Variants in BTLA observed in about 807,000 individuals in gnomAD.
BTLA encodes B- and T-lymphocyte attenuator.
In BTLA, 11 loss-of-function variants were observed where a neutral mutation model predicts 25.0. That is an observed-to-expected ratio of 0.44 (90% CI 0.28 to 0.73). The LOEUF (loss-of-function observed/expected upper bound fraction) is 0.73, where lower values mean the gene tolerates loss of function less well. Among genes scored for constraint, BTLA ranks in the 30% least tolerant of loss-of-function variants. BTLA has a pLI of 0.15. For synonymous variants in BTLA, 104 were observed against 119.8 expected (o/e 0.87, Z 0.86); for missense variants, 282 against 332.8 (o/e 0.85, Z 1.19).
At chr3:112,468,080 T>G (rs2082239924) in intron 4 of BTLA, among the ~76,000 whole-genome samples, 1 of 152,216 alleles carries the variant, frequency 6.6e-6, no homozygotes, top group Admixed American at 6.5e-5. Flanking sequence ...TGGATAGAGA[T>G]GATAAAGCCA....
chr3:112,484,348 C>A (rs142982999), intron 1 of BTLA, among the ~76,000 whole-genome samples: 1 of 152,134 alleles, frequency 6.6e-6, no homozygotes, highest in Non-Finnish European at 1.5e-5. Context: ...ATAAAGGGCA[C>A]GGAAATAGCT....
chr3:112,470,742 C>T (rs1215130325), intron 3 of BTLA, among the ~76,000 whole-genome samples: 4 of 152,064 alleles, frequency 2.6e-5, no homozygotes, highest in African/African-American at 7.2e-5. Context: ...AAAATACAGA[C>T]ATATTAATTT....
chr3:112,466,042 T>G lies in BTLA; in HGVS notation c.*66A>C. The G allele has an allele frequency of 1.4e-6, 2 of 1,437,804 alleles. No homozygotes were observed. Among genetic ancestry groups the G allele is most frequent in the Admixed American group, 2.3e-5 (1 of 43,148 alleles). The allele number at this position is 1,437,804 out of a possible 1,614,324, so 89.1% of individuals were successfully genotyped here. A position where few individuals can be genotyped will look rare whatever the true frequency, so the allele number is the denominator to read the frequency against. ...TTGAGAAATATTATTTGACATCCTG[T>G]TGAGCCCAGACAATGATGTCAACAT... On this transcript the variant is annotated 3_prime_UTR_variant, in exon 5 of 5. Coordinates refer to ENST00000334529, the MANE Select transcript of BTLA (RefSeq NM_181780.4).
At chr3:112,483,140 CTTTTTTTTTTTTTT>C (rs35513528) in intron 1 of BTLA, among the ~76,000 whole-genome samples, 2 of 51,656 alleles carry the variant, frequency 3.9e-5, no homozygotes, top group Non-Finnish European at 8.1e-5. Context: ...GGGCACCTTT[CTTTTTTTTTTTTTT>C]TTTTTTTTTT....
intron 1 of BTLA, among the ~76,000 whole-genome samples, chr3:112,482,944 A>G (rs1277462019): frequency 6.6e-6 from 1 of 152,148 alleles, no homozygotes; most frequent in Non-Finnish European, 1.5e-5. Context: ...CTCTCCCTGA[A>G]GTTAATAGAC....
chr3:112,468,241 C>T (rs1343314082), intron 4 of BTLA, among the ~76,000 whole-genome samples: 2 of 152,214 alleles, frequency 1.3e-5, no homozygotes, highest in African/African-American at 4.8e-5. Flanking sequence ...ATTAGGCAAG[C>T]ACTTTATACC....
chr3:112,471,119 AAAC>A, intron 3 of BTLA, 90 bp downstream of exon 3: 1 of 1,385,742 alleles, frequency 7.2e-7, no homozygotes, highest in South Asian at 1.5e-5. Flanking sequence ...TTGGGAAAGA[AAAC>A]AACAGGAAGA....
At chr3:112,469,110 G>A (rs1461094532) in intron 4 of BTLA, among the ~76,000 whole-genome samples, 1 of 151,942 alleles carries the variant, frequency 6.6e-6, no homozygotes, top group Non-Finnish European at 1.5e-5. Flanking sequence ...TTCTTTTTTA[G>A]TTCTAATATC....
intron 2 of BTLA, among the ~76,000 whole-genome samples, chr3:112,478,502 T>C (rs1384502134): frequency 6.6e-6 from 1 of 152,176 alleles, no homozygotes. Flanking sequence ...GCTAAATTCA[T>C]GTATTAGCTT....
chr3:112,488,116 T>G (rs1235077176), intron 1 of BTLA, among the ~76,000 whole-genome samples: 1 of 152,200 alleles, frequency 6.6e-6, no homozygotes, highest in African/African-American at 2.4e-5. Flanking sequence ...CTGTTTCATG[T>G]GGATTATTGT....
Position 112,466,403 on chromosome 3 carries a change from G to A in BTLA, c.595-20C>T. The A allele has an allele frequency of 6.5e-7, 1 of 1,537,064 alleles. No homozygotes were observed. Among genetic ancestry groups the A allele is most frequent in the Non-Finnish European group, 8.8e-7 (1 of 1,140,686 alleles). On this transcript the variant is annotated intron_variant, in intron 4 of 4. Transcript: ENST00000334529. ...ATCAACCTACAATAGAAAAAAAGATGGTTTTAAGTGACACTTACGGCCATG... is the reference window on the plus strand; with the variant it reads ...ATCAACCTACAATAGAAAAAAAGATAGTTTTAAGTGACACTTACGGCCATG...
intron 1 of BTLA, among the ~76,000 whole-genome samples, chr3:112,489,355 T>TA (rs1304060316): frequency 2.0e-5 from 3 of 151,276 alleles, no homozygotes; most frequent in Non-Finnish European, 3.0e-5. Flanking sequence ...ATCAGCCATT[T>TA]AAAAAAAAAG....
chr3:112,484,565 G>A lies in BTLA; in HGVS notation c.89-4796C>T, dbSNP rs570739984. On this transcript the variant is annotated intron_variant, in intron 1 of 4. Coordinates refer to ENST00000334529, the MANE Select transcript of BTLA (RefSeq NM_181780.4). ...TTCCTTAATGTGTGACTGAAACTAC[G>A]AAACCACTTCTAGCCTGCAATTTCT... Among the ~76,000 whole-genome samples, 38 of 152,276 alleles carry A rather than the reference G, an allele frequency of 2.5e-4. 1 individual carries two copies. The South Asian group carries it at 6.8e-3, about 27-fold the overall frequency.
At chr3:112,486,554 T>G (rs1259534137) in intron 1 of BTLA, among the ~76,000 whole-genome samples, 1 of 152,218 alleles carries the variant, frequency 6.6e-6, no homozygotes, top group Non-Finnish European at 1.5e-5. Flanking sequence ...ACTTTGATTC[T>G]TTAGTTATAG....
chr3:112,483,180 C>T (rs1158899394), intron 1 of BTLA, among the ~76,000 whole-genome samples: 2 of 112,380 alleles, frequency 1.8e-5, no homozygotes, highest in African/African-American at 6.7e-5. Context: ...AAGAGTTTCA[C>T]TCTTGTTGCA....
rs549783581 is a variant in BTLA at position 112,485,491 on chromosome 3, G to A, written c.89-5722C>T. On this transcript the variant is annotated intron_variant, in intron 1 of 4. Coordinates refer to ENST00000334529, the MANE Select transcript of BTLA (RefSeq NM_181780.4). ...TTGTCTTATCAAATAAATATTTCCC[G>A]AAGAGGAATAACTATCACAGTTGCT... 3.3e-5 allele frequency among the ~76,000 whole-genome samples: 5 copies of A among 152,274 alleles called. No homozygotes were observed. The South Asian group carries it at 6.2e-4, about 19-fold the overall frequency.
intron 2 of BTLA, among the ~76,000 whole-genome samples, chr3:112,474,885 G>T (rs982244835): frequency 5.9e-5 from 9 of 152,188 alleles, no homozygotes; most frequent in African/African-American, 2.2e-4. Context: ...AATCTAGAAA[G>T]GTGGTGGGAT....
intron 1 of BTLA, among the ~76,000 whole-genome samples, chr3:112,488,384 G>A (rs566146435): frequency 3.3e-5 from 5 of 151,888 alleles, no homozygotes; most frequent in African/African-American, 7.2e-5. Flanking sequence ...CACCACGCCC[G>A]GCTAATTTTT....
intron 2 of BTLA, 121 bp from the exon 3 acceptor site, chr3:112,471,476 C>T: frequency 1.9e-6 from 2 of 1,067,130 alleles, no homozygotes; most frequent in African/African-American, 1.6e-5. Context: ...CTCCATTTCC[C>T]CTTCAGAGGC....
Sources: gnomAD v4.1 joint callset for allele counts (sites outside exome capture counted in the v4.1 genomes callset) on GRCh38, gnomAD v4.1.1 for gene constraint, MANE v1.5 for transcripts, NCBI Gene and HGNC (gene_info 2026-07-23, HGNC 2026-07-21) for gene names.